Variants in ANO3 observed in about 807,000 individuals in gnomAD.
ANO3 encodes anoctamin 3, also known as anoctamin-3.
In ANO3, 99 loss-of-function variants were observed where a neutral mutation model predicts 144.8. The ratio of observed to expected loss-of-function variants is 0.68; its 90% CI spans 0.58 to 0.81. The LOEUF is 0.81. Among genes scored for constraint, ANO3 ranks in the 30% least tolerant of loss-of-function variants. ANO3 has a pLI of 0.00. For missense variants in ANO3, 905 were observed against 1,202.2 expected, an observed-to-expected ratio of 0.75 and a Z score of 3.66; for synonymous variants, 414 against 392.6, an observed-to-expected ratio of 1.05 and a Z score of -0.64.
At chr11:26,220,264 G>T (rs1365302142) in intron 1 of ANO3, among the ~76,000 whole-genome samples, 1 of 152,192 alleles carries the variant, frequency 6.6e-6, no homozygotes. Context: ...TTAAGTCATG[G>T]CTAAAAGACA....
At chr11:26,581,429 C>CTGTA (rs1436549037) in intron 14 of ANO3, among the ~76,000 whole-genome samples, 3 of 151,908 alleles carry the variant, frequency 2.0e-5, no homozygotes, top group Non-Finnish European at 4.4e-5. Flanking sequence ...TGGTTCACGC[C>CTGTA]TGTAATCCTA....
At chr11:26,395,907 C>G (rs946386659) in intron 1 of ANO3, among the ~76,000 whole-genome samples, 3 of 151,988 alleles carry the variant, frequency 2.0e-5, no homozygotes, top group South Asian at 2.1e-4. Flanking sequence ...ACTAAAACAC[C>G]AAAAGCAAGG....
chr11:26,490,037 A>G (rs1306973505), intron 4 of ANO3, among the ~76,000 whole-genome samples: 1 of 152,182 alleles, frequency 6.6e-6, no homozygotes, highest in East Asian at 1.9e-4. Context: ...CAGGGACAGA[A>G]TGATATGGTT....
chr11:26,517,305 C>T (rs1861900894), intron 6 of ANO3, among the ~76,000 whole-genome samples: 1 of 151,962 alleles, frequency 6.6e-6, no homozygotes, highest in African/African-American at 2.4e-5. Context: ...GTAAATTGTT[C>T]TTCTCTGTAT....
chr11:26,212,844 G>T (rs12785883), intron 1 of ANO3, among the ~76,000 whole-genome samples: 45,914 of 151,780 alleles, frequency 0.3, 7,681 homozygotes, highest in Non-Finnish European at 0.37. Flanking sequence ...TAAATTTCAG[G>T]CCAATATCCC....
At chr11:26,212,046 T>A (rs959401411) in intron 1 of ANO3, among the ~76,000 whole-genome samples, 3 of 151,846 alleles carry the variant, frequency 2.0e-5, no homozygotes, top group African/African-American at 4.8e-5. Context: ...TATCACACAC[T>A]GGGGCCTGTC....
intron 1 of ANO3, among the ~76,000 whole-genome samples, chr11:26,297,650 T>G (rs1854124347): frequency 6.6e-6 from 1 of 152,234 alleles, no homozygotes; most frequent in African/African-American, 2.4e-5. Flanking sequence ...CTTGTATAGT[T>G]TGTAAACAAC....
At chr11:26,546,894 A>G (rs993837970) in intron 11 of ANO3, among the ~76,000 whole-genome samples, 15 of 151,868 alleles carry the variant, frequency 9.9e-5, no homozygotes, top group African/African-American at 3.1e-4. Context: ...AGCGTTAACC[A>G]GGGTAAGTGC....
chr11:26,441,359 C>A (rs559454969), intron 1 of ANO3, among the ~76,000 whole-genome samples: 23 of 151,222 alleles, frequency 1.5e-4, no homozygotes, highest in Non-Finnish European at 3.1e-4. Flanking sequence ...CCTTGTGATC[C>A]GCCCGCCTCG....
At chr11:26,625,115 C>G (rs1045520615) in intron 18 of ANO3, among the ~76,000 whole-genome samples, 1 of 151,984 alleles carries the variant, frequency 6.6e-6, no homozygotes, top group Admixed American at 6.6e-5. Context: ...TTAGTAGAGA[C>G]GGGGTTTCAC....
intron 14 of ANO3, 82 bp downstream of exon 14, chr11:26,559,861 C>T: frequency 1.1e-6 from 1 of 910,234 alleles, no homozygotes; most frequent in Non-Finnish European, 1.8e-6. Flanking sequence ...CACACACACA[C>T]ACACACACAC....
At chr11:26,219,891 C>T (rs144213719) in intron 1 of ANO3, among the ~76,000 whole-genome samples, 27 of 152,274 alleles carry the variant, frequency 1.8e-4, no homozygotes, top group African/African-American at 6.3e-4. Flanking sequence ...CCAGAAAACA[C>T]TCCATTTTGG....
intron 1 of ANO3, among the ~76,000 whole-genome samples, chr11:26,344,036 T>A (rs1855433640): frequency 6.6e-6 from 1 of 152,192 alleles, no homozygotes; most frequent in African/African-American, 2.4e-5. Context: ...AACGTACCTT[T>A]AAGTTTCAGA....
chr11:26,313,798 A>C (rs1303621171), intron 1 of ANO3, among the ~76,000 whole-genome samples: 1 of 151,466 alleles, frequency 6.6e-6, no homozygotes, highest in Non-Finnish European at 1.5e-5. Flanking sequence ...CAATTTGTTA[A>C]ATGCTATGTA....
chr11:26,644,849 A>ACACAC (rs1853290752), intron 23 of ANO3, among the ~76,000 whole-genome samples: 1 of 149,780 alleles, frequency 6.7e-6, no homozygotes, highest in Non-Finnish European at 1.5e-5. Flanking sequence ...ACACACACAC[A>ACACAC]TACCATATAT....
chr11:26,595,457 GTTGTTTTTTTTTTTTT>G (rs1851583788), intron 14 of ANO3, among the ~76,000 whole-genome samples: 1 of 67,840 alleles, frequency 1.5e-5, no homozygotes, highest in Admixed American at 1.9e-4. Context: ...TTGAGATAGA[GTTGTTTTTTTTTTTTT>G]TTTTTTTTTT....
intron 17 of ANO3, among the ~76,000 whole-genome samples, chr11:26,616,721 A>C (rs577228133): frequency 2.0e-4 from 30 of 152,278 alleles, no homozygotes; most frequent in African/African-American, 7.0e-4. Flanking sequence ...CCTGAATTTG[A>C]ACAGAATGGG....
In ANO3 at chr11:26,380,792, A is replaced by G. The variant is rs184268044; in HGVS notation, c.46+48471A>G. On this transcript the variant is annotated intron_variant, in intron 1 of 26. Transcript: ENST00000256737. The stretch of plus-strand genomic sequence containing the variant: ...AGGTCAGGAGTTTAAGACCAGCCTG[A>G]CCAACATGGTGAAACCCCGTCTCTA... Among the ~76,000 whole-genome samples the G allele has an allele frequency of 2.8e-3, 431 of 151,944 alleles. 6 individuals are homozygous for G. The highest frequency in any genetic ancestry group is 1.9e-3 in the Non-Finnish European group (128 of 67,938).
chr11:26,210,317 G>A (rs1231890586), intron 1 of ANO3, among the ~76,000 whole-genome samples: 2 of 152,190 alleles, frequency 1.3e-5, no homozygotes, highest in East Asian at 3.9e-4. Flanking sequence ...TATTTCTGAG[G>A]CCTCTGTTCT....
Sources: gnomAD v4.1 joint callset for allele counts (sites outside exome capture counted in the v4.1 genomes callset) on GRCh38, gnomAD v4.1.1 for gene constraint, MANE v1.5 for transcripts, NCBI Gene and HGNC (gene_info 2026-07-23, HGNC 2026-07-21) for gene names.